The following LARGE1 variants were observed in gnomAD, a reference collection of about 807,000 sequenced individuals.
The protein encoded by LARGE1 is xylosyl- and glucuronyltransferase LARGE1.
A neutral mutation model predicts 87.6 loss-of-function variants in LARGE1; 43 were observed. The observed-to-expected ratio is 0.49, with a 90% CI of 0.38 to 0.63. LARGE1 has a LOEUF of 0.63. Among genes scored for constraint, LARGE1 ranks in the 30% least tolerant of loss-of-function variants. The pLI is 0.00. For synonymous variants in LARGE1, 434 were observed against 394.6 expected (o/e 1.10, Z -1.18); for missense variants, 802 against 1,000.2 (o/e 0.80, Z 2.67).
intron 1 of LARGE1, among the ~76,000 whole-genome samples, chr22:33,764,869 C>T (rs1461173239): frequency 1.3e-5 from 2 of 152,168 alleles, no homozygotes; most frequent in Non-Finnish European, 2.9e-5. Context: ...AAAGTCTGCA[C>T]GTGTTCAGTA....
At chr22:33,276,564 T>C (rs914439989) in intron 14 of LARGE1, among the ~76,000 whole-genome samples, 19 of 152,236 alleles carry the variant, frequency 1.2e-4, no homozygotes, top group African/African-American at 3.6e-4. Context: ...GCTCAATACG[T>C]ATCAGTTGGA....
intron 2 of LARGE1, among the ~76,000 whole-genome samples, chr22:33,710,409 G>T (rs774741041): frequency 2.0e-5 from 3 of 152,328 alleles, no homozygotes; most frequent in Middle Eastern, 3.4e-3. Flanking sequence ...CATGATCATG[G>T]TGATGAACCA....
the LARGE1 span, among the ~76,000 whole-genome samples, chr22:33,123,757 A>T: frequency 6.6e-6 from 1 of 152,272 alleles, no homozygotes; most frequent in South Asian, 2.1e-4. Context: ...GAGACCTTGG[A>T]AGCTCGGATT....
chr22:33,803,850 A>C (rs1040863433), intron 1 of LARGE1, among the ~76,000 whole-genome samples: 1 of 152,236 alleles, frequency 6.6e-6, no homozygotes, highest in African/African-American at 2.4e-5. Context: ...GAAGGAAAAC[A>C]GATGTTCAGA....
At chr22:33,299,768 T>C (rs1172039520) in intron 12 of LARGE1, among the ~76,000 whole-genome samples, 2 of 152,216 alleles carry the variant, frequency 1.3e-5, no homozygotes, top group Non-Finnish European at 2.9e-5. Context: ...TTGTGGAACC[T>C]GGCTTCAAAG....
At position 33,596,942 on chromosome 22, in the gene LARGE1, G is replaced by A. The variant is rs144815340; in HGVS notation, c.615+7493C>T. On this transcript the variant is annotated intron_variant, in intron 5 of 14. Coordinates refer to ENST00000397394, the MANE Select transcript of LARGE1 (RefSeq NM_133642.5). ...TGCTCTGGGTATTAACACATTATTA[G>A]TGAACTGGGGGATTCAGAAGGCCAC... Among the ~76,000 whole-genome samples, 267 of 152,294 alleles carry A rather than the reference G, an allele frequency of 1.8e-3. 5 individuals carry two copies. In the South Asian group the frequency reaches 0.028, roughly 16 times the overall value.
At chr22:33,286,912 A>G (rs1254724100) in intron 12 of LARGE1, among the ~76,000 whole-genome samples, 2 of 152,214 alleles carry the variant, frequency 1.3e-5, no homozygotes, top group African/African-American at 4.8e-5. Flanking sequence ...GCAAGCTCTC[A>G]GAGCTCTCTG....
chr22:33,360,311 T>A lies in LARGE1; in HGVS notation c.1131+21608A>T, dbSNP rs560444608. 4.7e-5 allele frequency among the ~76,000 whole-genome samples: 7 copies of A among 148,896 alleles called. No individual in the cohort carries two copies. In the East Asian group the frequency reaches 1.4e-3, roughly 29 times the overall value. On this transcript the variant is annotated intron_variant, in intron 9 of 14. Transcript: ENST00000397394. Reference sequence around the variant, plus strand: ...CTGGGCAACAGAGCAAGGCTGTGTCTCCAAAAACAAAAACAAAAAAACCCT... The same window carrying A: ...CTGGGCAACAGAGCAAGGCTGTGTCACCAAAAACAAAAACAAAAAAACCCT...
At chr22:33,623,402 T>C (rs1345605032) in intron 4 of LARGE1, among the ~76,000 whole-genome samples, 1 of 152,202 alleles carries the variant, frequency 6.6e-6, no homozygotes, top group Non-Finnish European at 1.5e-5. Context: ...GGTGTTTCCA[T>C]TTCCTCTTCA....
chr22:33,079,877 T>C, the LARGE1 span, among the ~76,000 whole-genome samples: 1 of 151,956 alleles, frequency 6.6e-6, no homozygotes, highest in Non-Finnish European at 1.5e-5. Context: ...CCCATGAAAA[T>C]TGATCATGGC....
chr22:33,121,632 G>C, the LARGE1 span, among the ~76,000 whole-genome samples: 1 of 152,200 alleles, frequency 6.6e-6, no homozygotes, highest in Non-Finnish European at 1.5e-5. Flanking sequence ...ACACATCTCA[G>C]ATACTTCACC....
chr22:33,489,854 G>A (rs2069750304), intron 6 of LARGE1, among the ~76,000 whole-genome samples: 1 of 152,196 alleles, frequency 6.6e-6, no homozygotes, highest in South Asian at 2.1e-4. Context: ...CCACACTGCA[G>A]GCGCTCAGAT....
chr22:33,612,790 C>G (rs1423226947), intron 4 of LARGE1, among the ~76,000 whole-genome samples: 1 of 152,210 alleles, frequency 6.6e-6, no homozygotes, highest in African/African-American at 2.4e-5. Flanking sequence ...GGAGGCTCAG[C>G]AGGCAGCAAA....
At chr22:33,173,133 G>A (rs919028690) in intron 11 of LARGE1, among the ~76,000 whole-genome samples, 9 of 152,184 alleles carry the variant, frequency 5.9e-5, no homozygotes, top group African/African-American at 1.9e-4. Context: ...CCCACAAAGA[G>A]AAGCCCATTC....
chr22:33,800,270 A>G (rs556068844), intron 1 of LARGE1, among the ~76,000 whole-genome samples: 1 of 152,230 alleles, frequency 6.6e-6, no homozygotes, highest in Non-Finnish European at 1.5e-5. Context: ...AAAATAGTAC[A>G]GAGAGGTCCT....
At chr22:33,205,318 A>G (rs1369474642) in intron 11 of LARGE1, among the ~76,000 whole-genome samples, 1 of 152,234 alleles carries the variant, frequency 6.6e-6, no homozygotes, top group Non-Finnish European at 1.5e-5. Flanking sequence ...TGCCAGCCAC[A>G]GGGAAAGTCT....
chr22:33,293,967 C>T (rs8137594), intron 12 of LARGE1, among the ~76,000 whole-genome samples: 3,479 of 152,326 alleles, frequency 0.023, 53 homozygotes, highest in Middle Eastern at 0.034. Context: ...GCATTTAGCA[C>T]TAATGACCAC....
intron 6 of LARGE1, among the ~76,000 whole-genome samples, chr22:33,493,154 CTTTTTTTTTT>C (rs750203810): frequency 4.6e-5 from 5 of 109,176 alleles, no homozygotes; most frequent in Non-Finnish European, 5.4e-5. Context: ...GCATGGTGGC[CTTTTTTTTTT>C]TTTTTTTTTT....
At chr22:33,452,696 G>A (rs1403095846) in intron 6 of LARGE1, among the ~76,000 whole-genome samples, 1 of 152,204 alleles carries the variant, frequency 6.6e-6, no homozygotes, top group African/African-American at 2.4e-5. Flanking sequence ...GTGCTGGCAG[G>A]AGCGCCCATC....
Sources: allele counts gnomAD v4.1 joint callset (sites outside exome capture counted in the v4.1 genomes callset), GRCh38; gene constraint gnomAD v4.1.1; transcripts MANE v1.5; gene names NCBI Gene and HGNC (gene_info 2026-07-23, HGNC 2026-07-21).